GP6: variants seen among roughly 807,000 people sequenced by gnomAD.
The protein encoded by GP6 is platelet glycoprotein VI.
Under a neutral mutation model 37.3 loss-of-function variants are expected in GP6, and 45 were observed. That is an observed-to-expected ratio of 1.21 (90% CI 0.95 to 1.55). The LOEUF is 1.55. GP6 is among the 40% of genes most tolerant of loss of function. The probability of loss-of-function intolerance (pLI) is 0.00; values close to 1 mark genes in which losing one functional copy is unlikely to be tolerated. For missense variants in GP6, 813 were observed against 760.2 expected (o/e 1.07, Z -0.82); for synonymous variants, 340 against 316.4 (o/e 1.07, Z -0.79).
At chr19:55,028,914 C>T (rs941125569) in intron 3 of GP6, among the ~76,000 whole-genome samples, 2 of 152,036 alleles carry the variant, frequency 1.3e-5, no homozygotes, top group Admixed American at 6.6e-5. Flanking sequence ...GTGGGAGGAT[C>T]GCTTGAGCCC....
At position 55,034,716 on chromosome 19, in the gene GP6, T is replaced by TACACACACACACAC. The variant is rs796869786; in HGVS notation, c.35-2192_35-2179dup. On this transcript the variant is annotated intron_variant, in intron 1 of 7. Coordinates refer to ENST00000310373, the MANE Select transcript of GP6 (RefSeq NM_001083899.2). ...TGTTTTATCTGGTAACCCTCATTCT[T>TACACACACACACAC]ACACACACACACACACACACACACA... Among the ~76,000 whole-genome samples the TACACACACACACAC allele has an allele frequency of 2.2e-3, 333 of 148,138 alleles. 2 individuals are homozygous for TACACACACACACAC. Among genetic ancestry groups the TACACACACACACAC allele is most frequent in the African/African-American group, 7.8e-3 (315 of 40,170 alleles).
intron 5 of GP6, 167 bp from the exon 6 acceptor site, chr19:55,018,878 A>G (rs933067830): frequency 1.0e-5 from 7 of 686,282 alleles, no homozygotes; most frequent in Non-Finnish European, 1.3e-5. Flanking sequence ...ATCTTCCATG[A>G]CCGGCTTAGT....
At chr19:55,017,563 AG>A (rs1161330141) in intron 6 of GP6, among the ~76,000 whole-genome samples, 1 of 152,136 alleles carries the variant, frequency 6.6e-6, no homozygotes, top group Non-Finnish European at 1.5e-5. Flanking sequence ...GTGCAGAGTC[AG>A]GAGAGGTTAG....
chr19:55,032,218 C>T lies in GP6; in HGVS notation c.246G>A (p.Leu82=). 6.2e-7 allele frequency: 1 copy of T among 1,614,150 alleles called. No individual in the cohort carries two copies. The highest frequency in any genetic ancestry group is 1.1e-5 in the South Asian group (1 of 91,088). The change falls in exon 3 of 8, where the codon CTG becomes CTA. Residue 82 remains leucine (L), a synonymous_variant. Coordinates refer to ENST00000310373, the MANE Select transcript of GP6 (RefSeq NM_001083899.2). ...GGTAGGAGCAGCGGTAGCGTCCAGC[C>T]AGACTTCTCTTCATGGCCGGGATGA...
rs761959070 is a variant in GP6, at chr19:55,014,263, C to G, written c.1682G>C (p.Arg561Thr). 7.9e-6 allele frequency: 9 copies of G among 1,143,658 alleles called. No individual in the cohort carries two copies. In the South Asian group the frequency reaches 1.1e-4, roughly 14 times the overall value. The allele number at this position is 1,143,658 out of a possible 1,614,324, so 70.8% of individuals were successfully genotyped here. Reference sequence around the variant, plus strand: ...GGAGTATAGGGATGCACCACCACACCTGGCTAATTTTTGTGTTTTTTTGTT... The same window carrying G: ...GGAGTATAGGGATGCACCACCACACGTGGCTAATTTTTGTGTTTTTTTGTT... Residue 561 changes from arginine to threonine, a missense_variant, in exon 8 of 8, where the codon AGG becomes ACG. Arg to Thr is a moderately conservative substitution (Grantham distance 71). Coordinates refer to ENST00000310373, the MANE Select transcript of GP6 (RefSeq NM_001083899.2).
chr19:55,034,997 C>T (rs975483287), intron 1 of GP6, among the ~76,000 whole-genome samples: 3 of 152,316 alleles, frequency 2.0e-5, no homozygotes, highest in Admixed American at 6.5e-5. Flanking sequence ...CAGCCCACCT[C>T]AGCCTCTTTG....
At chr19:55,023,387 G>A (rs1602568432) in intron 5 of GP6, among the ~76,000 whole-genome samples, 2 of 152,338 alleles carry the variant, frequency 1.3e-5, no homozygotes, top group South Asian at 4.1e-4. Context: ...CCCAATGTTG[G>A]AGGTGGGGGC....
chr19:55,013,979 C>G lies in GP6; in HGVS notation c.*103G>C, dbSNP rs868633613. On this transcript the variant is annotated 3_prime_UTR_variant, in exon 8 of 8. Transcript: ENST00000310373. ...AAAGTAAATATGAGAGGGGTGGAGA[C>G]GGTGCATTATCTTATTTTTATGATT... 1.1e-5 allele frequency: 5 copies of G among 447,446 alleles called. No individual in the cohort carries two copies. The highest frequency in any genetic ancestry group is 1.0e-4 in the African/African-American group (5 of 50,140). 27.7% of individuals were successfully genotyped at this position (447,446 alleles called of 1,614,324 possible). A position where few individuals can be genotyped will look rare whatever the true frequency, so the allele number is the denominator to read the frequency against.
At chr19:55,025,125 G>A in intron 5 of GP6, 93 bp downstream of exon 5, 1 of 761,648 alleles carries the variant, frequency 1.3e-6, no homozygotes, top group African/African-American at 1.7e-5. Context: ...AGAACCAACT[G>A]AATTAAATCG....
In GP6 at chr19:55,038,218, C is replaced by A. The variant is rs569446020; in HGVS notation, c.19G>T (p.Ala7Ser). Residue 7 changes from alanine (A) to serine (S), a missense_variant, in exon 1 of 8, where the codon GCC becomes TCC. By Grantham distance (99) the Ala-to-Ser change is moderately conservative. Transcript: ENST00000310373. ...CAGGACTCACCAAGACAGAAGAGGG[C>A]GGTCGGGGATGGAGACATGGTTCCT... 3 of 1,591,862 alleles carry A rather than the reference C, an allele frequency of 1.9e-6. No individual in the cohort carries two copies. The highest frequency in any genetic ancestry group is 1.8e-5 in the Admixed American group (1 of 56,804).
Position 55,037,335 on chromosome 19 carries a change from A to AT in GP6, c.34+867dup, listed in dbSNP as rs200634689. Among the ~76,000 whole-genome samples the AT allele has an allele frequency of 1.0e-3, 140 of 138,290 alleles. 1 individual carries two copies. The South Asian group carries it at 0.016, about 16-fold the overall frequency. The allele number at this position is 138,290 out of a possible 152,430, so 90.7% of individuals were successfully genotyped here. A position where few individuals can be genotyped will look rare whatever the true frequency, so the allele number is the denominator to read the frequency against. On this transcript the variant is annotated intron_variant, in intron 1 of 7. Transcript: ENST00000310373. ...ACCTAGTCCAGATATCAATTCCACAATTTTTTTTTTTTTTTTTTTGAGACG... is the reference window on the plus strand; with the variant it reads ...ACCTAGTCCAGATATCAATTCCACAATTTTTTTTTTTTTTTTTTTTGAGACG...
At chr19:55,028,437 C>G (rs1384560207) in intron 3 of GP6, among the ~76,000 whole-genome samples, 2 of 152,128 alleles carry the variant, frequency 1.3e-5, no homozygotes, top group African/African-American at 2.4e-5. Context: ...AATAATTTGT[C>G]CAACTCTAGG....
Position 55,014,777 on chromosome 19 carries a change from A to G in GP6, c.1168T>C (p.Ser390Pro), listed in dbSNP as rs750681822. The G allele has an allele frequency of 1.2e-6, 2 of 1,613,746 alleles. No homozygotes were observed. Among genetic ancestry groups the G allele is most frequent in the Admixed American group, 3.3e-5 (2 of 59,958 alleles). ...CACTGGCCGAACGGCTCCCTGATGG[A>G]ACACCAGGAGGAGGCAGCATGGCCT... Residue 390 changes from serine to proline, a missense_variant, in exon 8 of 8, where the codon TCC becomes CCC. Physicochemically the swap from Ser to Pro is moderately conservative, Grantham distance 74 (BLOSUM62 -1). Coordinates refer to ENST00000310373, the MANE Select transcript of GP6 (RefSeq NM_001083899.2).
At chr19:55,028,468 G>C (rs2074393979) in intron 3 of GP6, among the ~76,000 whole-genome samples, 1 of 152,264 alleles carries the variant, frequency 6.6e-6, no homozygotes, top group African/African-American at 2.4e-5. Flanking sequence ...GCAGTGTACA[G>C]CTGAAATTTG....
rs2074907488 is a variant in GP6, at chr19:55,038,142, C to T, written c.34+61G>A. On this transcript the variant is annotated intron_variant, in intron 1 of 7. Transcript: ENST00000310373. ...CACCAATGCAAATTTCTTAAAAATC[C>T]TTTGTCTGGCAGTCCATGCCTGTCC... The T allele has an allele frequency of 3.7e-6, 5 of 1,341,930 alleles. No individual in the cohort carries two copies. The South Asian group carries it at 6.2e-5, about 17-fold the overall frequency. 83.1% of individuals were successfully genotyped at this position (1,341,930 alleles called of 1,614,324 possible).
At chr19:55,036,087 A>AT (rs1010466027) in intron 1 of GP6, among the ~76,000 whole-genome samples, 1 of 152,014 alleles carries the variant, frequency 6.6e-6, no homozygotes, top group African/African-American at 2.4e-5. Flanking sequence ...AAAAAAAAAA[A>AT]AAAGTCTTTT....
chr19:55,021,093 T>C (rs1209227208), intron 5 of GP6, among the ~76,000 whole-genome samples: 1 of 140,640 alleles, frequency 7.1e-6, no homozygotes, highest in Admixed American at 7.4e-5. Context: ...GTGCGGTGGC[T>C]CACGCCTGTA....
chr19:55,034,116 A>G (rs531863177), intron 1 of GP6, among the ~76,000 whole-genome samples: 10 of 116,120 alleles, frequency 8.6e-5, no homozygotes, highest in African/African-American at 2.7e-4. Context: ...GTACATACAC[A>G]CGTGTATATG....
In GP6 at chr19:55,032,502, T is replaced by G; in HGVS notation, c.67+4A>C. ...GGAGGGAAGGGGTCTGGGGAAGGAC[T>G]CACCACTCTGCGCTGGCACACGCCC... is the stretch of plus-strand genomic sequence containing the variant. On this transcript the variant is annotated splice_donor_region_variant and intron_variant, in intron 2 of 7. Coordinates refer to ENST00000310373, the MANE Select transcript of GP6 (RefSeq NM_001083899.2). 1 of 1,613,790 alleles carries G rather than the reference T, an allele frequency of 6.2e-7. No homozygotes were observed. The highest frequency in any genetic ancestry group is 8.5e-7 in the Non-Finnish European group (1 of 1,179,964).
Sources: gnomAD v4.1 joint callset for allele counts (sites outside exome capture counted in the v4.1 genomes callset) on GRCh38, gnomAD v4.1.1 for gene constraint, MANE v1.5 for transcripts, NCBI Gene and HGNC (gene_info 2026-07-23, HGNC 2026-07-21) for gene names.